YAP1: variants seen among roughly 807,000 people sequenced by gnomAD.
The protein encoded by YAP1 is transcriptional coactivator YAP1.
In YAP1, 5 loss-of-function variants were observed where a neutral mutation model predicts 56.9. That is an observed-to-expected ratio of 0.09 (90% CI 0.05 to 0.18). The LOEUF is 0.18. Ranked by LOEUF, YAP1 falls within the 10% of genes least tolerant of loss-of-function variation. The probability of loss-of-function intolerance (pLI) is 1.00; values close to 1 mark genes in which losing one functional copy is unlikely to be tolerated. For missense variants in YAP1, 539 were observed against 651.8 expected, an observed-to-expected ratio of 0.83 and a Z score of 1.88; for synonymous variants, 265 against 248.1, an observed-to-expected ratio of 1.07 and a Z score of -0.64.
chr11:102,138,438 A>G (rs1036822038), intron 2 of YAP1, among the ~76,000 whole-genome samples: 1 of 152,096 alleles, frequency 6.6e-6, no homozygotes, highest in African/African-American at 2.4e-5. Flanking sequence ...CGTTTTCACC[A>G]TTCATCTGTT....
chr11:102,119,815 A>G (rs925853167), intron 2 of YAP1, among the ~76,000 whole-genome samples: 2 of 152,286 alleles, frequency 1.3e-5, no homozygotes, highest in Admixed American at 6.5e-5. Context: ...GGTAAACTCT[A>G]AACTGTTTTA....
chr11:102,145,928 GA>G (rs1402921819), intron 2 of YAP1, among the ~76,000 whole-genome samples: 2 of 152,202 alleles, frequency 1.3e-5, no homozygotes, highest in African/African-American at 4.8e-5. Context: ...AAGTGGCTAT[GA>G]AGCTGCTGTC....
At chr11:102,187,319 C>T (rs1180558854) in intron 4 of YAP1, among the ~76,000 whole-genome samples, 2 of 151,916 alleles carry the variant, frequency 1.3e-5, no homozygotes, top group Non-Finnish European at 2.9e-5. Flanking sequence ...GACAGATAAC[C>T]GGTTTGGCTT....
intron 4 of YAP1, among the ~76,000 whole-genome samples, chr11:102,197,380 G>A (rs966867184): frequency 6.6e-6 from 1 of 152,082 alleles, no homozygotes; most frequent in Non-Finnish European, 1.5e-5. Context: ...TTATTCCAAA[G>A]TTTATGACTA....
intron 2 of YAP1, among the ~76,000 whole-genome samples, chr11:102,153,303 A>G (rs896117745): frequency 1.3e-5 from 2 of 152,176 alleles, no homozygotes; most frequent in Admixed American, 6.5e-5. Flanking sequence ...CACAGATATG[A>G]GTGATTCACA....
intron 4 of YAP1, among the ~76,000 whole-genome samples, chr11:102,198,306 T>C (rs1169604980): frequency 6.6e-6 from 1 of 152,236 alleles, no homozygotes; most frequent in African/African-American, 2.4e-5. Context: ...CAGCATTGGC[T>C]ATTGTCATTA....
intron 2 of YAP1, among the ~76,000 whole-genome samples, chr11:102,123,647 T>TTTTTTTTTTTTTTTTTTTTTTTC (rs1565429580): frequency 8.0e-6 from 1 of 125,320 alleles, no homozygotes; most frequent in Non-Finnish European, 1.7e-5. Flanking sequence ...TTTTTTTTTC[T>TTTTTTTTTTTTTTTTTTTTTTTC]TTTTTTTTTC....
At chr11:102,150,460 T>C (rs906933340) in intron 2 of YAP1, among the ~76,000 whole-genome samples, 1 of 152,186 alleles carries the variant, frequency 6.6e-6, no homozygotes, top group Non-Finnish European at 1.5e-5. Flanking sequence ...TAGCAAATTG[T>C]TGAGATATAA....
intron 2 of YAP1, among the ~76,000 whole-genome samples, chr11:102,118,957 G>A (rs939371895): frequency 1.3e-5 from 2 of 151,940 alleles, no homozygotes; most frequent in Non-Finnish European, 2.9e-5. Flanking sequence ...AAACTGAAAA[G>A]CTTGTAATTT....
chr11:102,172,285 G>C (rs910414100), intron 3 of YAP1, among the ~76,000 whole-genome samples: 1 of 148,376 alleles, frequency 6.7e-6, no homozygotes, highest in Non-Finnish European at 1.5e-5. Flanking sequence ...TAGTGGAAAG[G>C]AAGAACAGTG....
intron 1 of YAP1, among the ~76,000 whole-genome samples, 193 bp downstream of exon 1, chr11:102,111,362 G>C (rs1442206755): frequency 6.6e-6 from 1 of 152,102 alleles, no homozygotes; most frequent in Non-Finnish European, 1.5e-5. Context: ...ACTCCTCCCA[G>C]AGTCCGGGGC....
At chr11:102,222,243 C>T (rs141157745) in intron 6 of YAP1, among the ~76,000 whole-genome samples, 2 of 152,220 alleles carry the variant, frequency 1.3e-5, no homozygotes, top group East Asian at 3.9e-4. Context: ...ATGACGGAGT[C>T]AGGCCAGTAT....
intron 2 of YAP1, among the ~76,000 whole-genome samples, chr11:102,157,576 T>C (rs1946027152): frequency 6.6e-6 from 1 of 152,146 alleles, no homozygotes; most frequent in Non-Finnish European, 1.5e-5. Context: ...GGTTTTCCAG[T>C]TTTATTGTTT....
At chr11:102,202,461 G>C (rs1348731504) in intron 4 of YAP1, among the ~76,000 whole-genome samples, 2 of 151,202 alleles carry the variant, frequency 1.3e-5, no homozygotes, top group Non-Finnish European at 2.9e-5. Context: ...TTACAGGCGT[G>C]AGCCACTGCA....
intron 6 of YAP1, among the ~76,000 whole-genome samples, chr11:102,222,255 C>T (rs1949970727): frequency 6.6e-6 from 1 of 152,106 alleles, no homozygotes; most frequent in Admixed American, 6.6e-5. Flanking sequence ...GGCCAGTATC[C>T]TTTGTGATAA....
intron 4 of YAP1, among the ~76,000 whole-genome samples, chr11:102,193,015 G>A (rs1367998863): frequency 7.9e-5 from 12 of 152,210 alleles, no homozygotes; most frequent in Admixed American, 7.2e-4. Flanking sequence ...ACATGTTCAT[G>A]TTAGCAAAGT....
chr11:102,140,643 G>A (rs1026423325), intron 2 of YAP1, among the ~76,000 whole-genome samples: 3 of 152,128 alleles, frequency 2.0e-5, no homozygotes, highest in Non-Finnish European at 2.9e-5. Flanking sequence ...AGGAGTTTGA[G>A]ACCAGCCTGG....
At chr11:102,144,104 G>C (rs1299160734) in intron 2 of YAP1, among the ~76,000 whole-genome samples, 1 of 152,188 alleles carries the variant, frequency 6.6e-6, no homozygotes, top group Admixed American at 6.5e-5. Flanking sequence ...CTCCAGACCT[G>C]TGATCAAGAG....
intron 2 of YAP1, among the ~76,000 whole-genome samples, chr11:102,147,295 C>G (rs1027315960): frequency 2.6e-5 from 4 of 152,098 alleles, no homozygotes; most frequent in African/African-American, 7.2e-5. Context: ...GTGTAGTATG[C>G]CAGAACACTC....
Sources: allele counts gnomAD v4.1 joint callset (sites outside exome capture counted in the v4.1 genomes callset), GRCh38; gene constraint gnomAD v4.1.1; transcripts MANE v1.5; gene names NCBI Gene and HGNC (gene_info 2026-07-23, HGNC 2026-07-21).